PADI3: variants seen among roughly 807,000 people sequenced by gnomAD.
PADI3 encodes the protein protein-arginine deiminase type-3.
In PADI3, 53 loss-of-function variants were observed where a neutral mutation model predicts 71.5. The observed-to-expected ratio is 0.74, with a 90% CI of 0.59 to 0.93. The LOEUF is 0.93. Among genes scored for constraint, PADI3 ranks in the 40% least tolerant of loss-of-function variants. The pLI is 0.00. For synonymous variants in PADI3, 361 were observed against 347.5 expected (o/e 1.04, Z -0.43); for missense variants, 821 against 868.0 (o/e 0.95, Z 0.68).
At chr1:17,267,546 G>A (rs567256464) in intron 5 of PADI3, among the ~76,000 whole-genome samples, 1 of 152,334 alleles carries the variant, frequency 6.6e-6, no homozygotes, top group East Asian at 1.9e-4. Context: ...TTACCTGCAC[G>A]ACGCCCACAT....
Position 17,270,348 on chromosome 1 carries a change from C to T in PADI3, c.768C>T (p.Phe256=). The T allele has an allele frequency of 6.2e-7, 1 of 1,614,046 alleles. No homozygotes were observed. Among genetic ancestry groups the T allele is most frequent in the Non-Finnish European group, 8.5e-7 (1 of 1,180,012 alleles). Residue 256 remains phenylalanine, a synonymous_variant, in exon 7 of 16, where the codon TTC becomes TTT. Transcript: ENST00000375460. ...EERFFVEGLS[F]PDAGFTGLIS... is the part of the protein sequence containing the mutation. ...GCTTCTTCGTGGAAGGCCTGTCCTT[C>T]CCTGATGCCGGCTTCACAGGACTCA...
Position 17,282,888 on chromosome 1 carries a change from C to T in PADI3, c.1804C>T (p.Pro602Ser). The change falls in exon 16 of 16, where the codon CCC becomes TCC. Residue 602 changes from proline (P) to serine (S), a missense_variant. Pro to Ser is a moderately conservative substitution (Grantham distance 74). Coordinates refer to ENST00000375460, the MANE Select transcript of PADI3 (RefSeq NM_016233.2). ...GGGGAAGCACCTGGGCATCCCCAAG[C>T]CCTTTGGGCCCATCATCAATGGCTG... ...VLGKHLGIPKPFGPIINGCCC... is the reference protein window; with the variant it reads ...VLGKHLGIPKSFGPIINGCCC... 6.2e-7 allele frequency: 1 copy of T among 1,613,944 alleles called. No individual in the cohort carries two copies. Among genetic ancestry groups the T allele is most frequent in the Non-Finnish European group, 8.5e-7 (1 of 1,179,926 alleles).
chr1:17,267,756 TG>T, intron 5 of PADI3, 80 bp from the exon 6 acceptor site: 1 of 1,552,712 alleles, frequency 6.4e-7, no homozygotes. Flanking sequence ...CCCACTGACC[TG>T]GGGAGGGAGC....
At position 17,283,101 on chromosome 1, in the gene PADI3, T is replaced by A. The variant is rs773837346; in HGVS notation, c.*22T>A. On this transcript the variant is annotated 3_prime_UTR_variant, in exon 16 of 16. Transcript: ENST00000375460. ...CTGAGACAGCTCCCACCCACCATCC[T>A]GTCCCCCTGGGGCGGGCATTGGCCC... The A allele has an allele frequency of 1.2e-5, 19 of 1,592,036 alleles. No homozygotes were observed. Among genetic ancestry groups the A allele is most frequent in the Admixed American group, 1.7e-5 (1 of 59,820 alleles).
At chr1:17,266,903 C>T in intron 5 of PADI3, 67 bp downstream of exon 5, 2 of 1,220,562 alleles carry the variant, frequency 1.6e-6, no homozygotes, top group Non-Finnish European at 1.2e-6. Context: ...ATGGGAGTTC[C>T]AACCCACAGG....
chr1:17,266,775 C>T lies in PADI3; in HGVS notation c.465C>T (p.Asp155=). 6.2e-7 allele frequency: 1 copy of T among 1,614,120 alleles called. No individual in the cohort carries two copies. Among genetic ancestry groups the T allele is most frequent in the Non-Finnish European group, 8.5e-7 (1 of 1,180,026 alleles). Residue 155 remains aspartate, a synonymous_variant, in exon 5 of 16, where the codon GAC becomes GAT. Coordinates refer to ENST00000375460, the MANE Select transcript of PADI3 (RefSeq NM_016233.2). ...GCGGCATCTTGCTGGTGAACTGTGA[C>T]CGTGATGATCCGAGCTGTGATGTCC... ...GYGGILLVNC[D]RDDPSCDVQD...
intron 1 of PADI3, among the ~76,000 whole-genome samples, chr1:17,255,184 A>G (rs936943869): frequency 2.6e-5 from 4 of 152,234 alleles, no homozygotes; most frequent in African/African-American, 7.2e-5. Context: ...AGGGAGGCCA[A>G]CTGTTCCTGT....
intron 13 of PADI3, 28 bp downstream of exon 13, chr1:17,276,904 G>A (rs761383925): frequency 1.7e-5 from 27 of 1,568,900 alleles, no homozygotes; most frequent in Non-Finnish European, 2.3e-5. Context: ...GTCCCTCCTT[G>A]CGGCTTGCCT....
At position 17,262,205 on chromosome 1, in the gene PADI3, G is replaced by A. The variant is rs769199348; in HGVS notation, c.346G>A (p.Asp116Asn). 12 of 1,606,362 alleles carry A rather than the reference G, an allele frequency of 7.5e-6. No individual in the cohort carries two copies. The highest frequency in any genetic ancestry group is 9.3e-6 in the Non-Finnish European group (11 of 1,177,172). ...AYAVLYLTCV[D>N]ISLDCDLNCE... ...TGCGGTGCTCTACCTCACCTGTGTT[G>A]GTAAGTTGGGGGCCATGTTGATGGT... The change falls in exon 3 of 16, where the codon GAC (aspartate) becomes AAC (asparagine). Residue 116 changes from aspartate (D) to asparagine (N), a missense_variant and splice_region_variant. Transcript: ENST00000375460.
chr1:17,280,866 G>C (rs1022392850), intron 15 of PADI3, 70 bp downstream of exon 15: 1 of 1,573,160 alleles, frequency 6.4e-7, no homozygotes, highest in Non-Finnish European at 8.7e-7. Flanking sequence ...GAGGAAAAAT[G>C]TCTGGTCACA....
At chr1:17,281,294 T>C (rs2073397212) in intron 15 of PADI3, among the ~76,000 whole-genome samples, 1 of 152,176 alleles carries the variant, frequency 6.6e-6, no homozygotes, top group Non-Finnish European at 1.5e-5. Context: ...ATCTATTTTG[T>C]AGGATAAGGC....
rs747326229 is a variant in PADI3 at position 17,267,978 on chromosome 1, T to C, written c.652+16T>C. 2.5e-6 allele frequency: 4 copies of C among 1,613,796 alleles called. No individual in the cohort carries two copies. The South Asian group carries it at 4.4e-5, about 18-fold the overall frequency. Reference sequence around the variant, plus strand: ...CACATCTGCGGTGAGTTTGTGCCACTGCCCCTTGCCATCTGTGCCCTGTTG... The same window carrying C: ...CACATCTGCGGTGAGTTTGTGCCACCGCCCCTTGCCATCTGTGCCCTGTTG... On this transcript the variant is annotated intron_variant, in intron 6 of 15. Transcript: ENST00000375460.
At position 17,268,120 on chromosome 1, in the gene PADI3, G is replaced by C. The variant is rs547078008; in HGVS notation, c.652+158G>C. ...TCGCAGTAAGAACAGTCAGAAGTGG[G>C]GGCTTTGGAACTGATGAACTGGTGC... On this transcript the variant is annotated intron_variant, in intron 6 of 15. Transcript: ENST00000375460. Among the ~76,000 whole-genome samples the C allele has an allele frequency of 2.6e-3, 401 of 152,328 alleles. 2 individuals are homozygous for C. The highest frequency in any genetic ancestry group is 9.1e-3 in the African/African-American group (380 of 41,574).
At chr1:17,264,734 C>T (rs368985806) in intron 3 of PADI3, among the ~76,000 whole-genome samples, 7 of 152,030 alleles carry the variant, frequency 4.6e-5, no homozygotes, top group Admixed American at 1.3e-4. Context: ...TTTCAGGCCA[C>T]GCGTGGTGGC....
At chr1:17,278,839 C>T (rs11587458) in intron 13 of PADI3, among the ~76,000 whole-genome samples, 2,476 of 152,240 alleles carry the variant, frequency 0.016, 78 homozygotes, top group African/African-American at 0.056. Flanking sequence ...AGAACTTAGA[C>T]GCCCCCAAGT....
intron 11 of PADI3, 46 bp from the exon 12 acceptor site, chr1:17,276,473 A>T: frequency 1.2e-6 from 2 of 1,602,770 alleles, no homozygotes; most frequent in South Asian, 2.2e-5. Context: ...TTCTGCATGG[A>T]GTCTTTTTAG....
Position 17,276,804 on chromosome 1 carries a change from G to A in PADI3, c.1483G>A (p.Ala495Thr). The A allele has an allele frequency of 1.2e-6, 2 of 1,613,760 alleles. No homozygotes were observed. The highest frequency in any genetic ancestry group is 1.1e-5 in the South Asian group (1 of 90,952). The change falls in exon 13 of 16, where the codon GCC (alanine) becomes ACC (threonine). Residue 495 changes from alanine to threonine, a missense_variant. Physicochemically the swap from Ala to Thr is moderately conservative, Grantham distance 58. Transcript: ENST00000375460. ...GFRMLLASPG[A>T]CFKLFQEKQK... is the part of the protein sequence containing the mutation. ...CCGGATGCTCCTGGCCAGCCCTGGG[G>A]CCTGCTTCAAGCTCTTCCAGGAAAA...
At chr1:17,282,138 T>C (rs937064419) in intron 15 of PADI3, among the ~76,000 whole-genome samples, 1 of 152,152 alleles carries the variant, frequency 6.6e-6, no homozygotes, top group Non-Finnish European at 1.5e-5. Context: ...CTTGTAATTA[T>C]ATATGTGCCC....
chr1:17,280,125 C>T (rs1012984334), intron 13 of PADI3, among the ~76,000 whole-genome samples: 1 of 152,180 alleles, frequency 6.6e-6, no homozygotes, highest in African/African-American at 2.4e-5. Flanking sequence ...CAGTTCATTC[C>T]ACTGTGGCAA....
Sources: allele counts gnomAD v4.1 joint callset (sites outside exome capture counted in the v4.1 genomes callset), GRCh38; gene constraint gnomAD v4.1.1; transcripts MANE v1.5; gene names NCBI Gene and HGNC (gene_info 2026-07-23, HGNC 2026-07-21).